Variants in PDGFD observed in about 807,000 individuals in gnomAD.
PDGFD encodes the protein platelet-derived growth factor D.
In PDGFD, 30 loss-of-function variants were observed where a neutral mutation model predicts 44.7. The observed-to-expected ratio is 0.67, with a 90% CI of 0.50 to 0.91. The LOEUF (loss-of-function observed/expected upper bound fraction) is 0.91. Ranked by LOEUF, PDGFD falls within the 40% of genes least tolerant of loss-of-function variation. The pLI, the probability that PDGFD is intolerant of heterozygous loss-of-function variation, is 0.00. For missense variants in PDGFD, 445 were observed against 457.8 expected (o/e 0.97, Z 0.25); for synonymous variants, 173 against 168.4 (o/e 1.03, Z -0.21).
At chr11:104,098,165 T>C (rs967666239) in intron 1 of PDGFD, among the ~76,000 whole-genome samples, 2 of 152,138 alleles carry the variant, frequency 1.3e-5, no homozygotes, top group Non-Finnish European at 2.9e-5. Context: ...TTGTAACAAA[T>C]ATGAAAGTAT....
chr11:103,959,246 A>G (rs1352085891), intron 3 of PDGFD, among the ~76,000 whole-genome samples: 3 of 152,204 alleles, frequency 2.0e-5, no homozygotes, highest in Non-Finnish European at 4.4e-5. Context: ...CAGAGCTGCC[A>G]CCCATCATAA....
rs182119894 is a variant in PDGFD, at chr11:103,982,029, C to T, written c.510+14036G>A. 9.4e-4 allele frequency among the ~76,000 whole-genome samples: 143 copies of T among 151,778 alleles called. 3 individuals are homozygous for T. Among genetic ancestry groups the T allele is most frequent in the African/African-American group, 3.0e-3 (124 of 41,200 alleles). ...CCTGGTTATATGCTTCATTTCTATTCCACAGTTTCCCTAACATTTGACCCT... is the reference window on the plus strand; with the variant it reads ...CCTGGTTATATGCTTCATTTCTATTTCACAGTTTCCCTAACATTTGACCCT... On this transcript the variant is annotated intron_variant, in intron 3 of 6. Transcript: ENST00000393158.
intron 1 of PDGFD, among the ~76,000 whole-genome samples, chr11:104,082,489 G>T (rs1861059568): frequency 6.6e-6 from 1 of 151,792 alleles, no homozygotes; most frequent in African/African-American, 2.4e-5. Flanking sequence ...TTTATAGTTG[G>T]CAAAAATTTT....
intron 1 of PDGFD, among the ~76,000 whole-genome samples, chr11:104,018,476 G>T (rs913658809): frequency 2.0e-5 from 3 of 152,088 alleles, no homozygotes; most frequent in Non-Finnish European, 2.9e-5. Flanking sequence ...TAACTGAGTG[G>T]GTTCATCTGC....
intron 1 of PDGFD, among the ~76,000 whole-genome samples, chr11:104,050,859 A>G (rs945671972): frequency 2.0e-5 from 3 of 152,154 alleles, no homozygotes; most frequent in Non-Finnish European, 2.9e-5. Context: ...TTGTAATCTT[A>G]ATTGTCCATA....
intron 1 of PDGFD, among the ~76,000 whole-genome samples, chr11:104,160,304 C>T (rs1862370977): frequency 6.6e-6 from 1 of 152,332 alleles, no homozygotes; most frequent in Non-Finnish European, 1.5e-5. Context: ...AACACCTGTA[C>T]TTTCTACACG....
chr11:104,013,015 C>T (rs1859806112), intron 1 of PDGFD, among the ~76,000 whole-genome samples: 1 of 152,204 alleles, frequency 6.6e-6, no homozygotes, highest in Non-Finnish European at 1.5e-5. Flanking sequence ...CTGAAACCAC[C>T]CTGGCCCACT....
intron 1 of PDGFD, among the ~76,000 whole-genome samples, chr11:104,082,991 C>A (rs1183037035): frequency 6.6e-6 from 1 of 152,112 alleles, no homozygotes; most frequent in Non-Finnish European, 1.5e-5. Flanking sequence ...AGTACGGTCA[C>A]CATCTTCCTT....
chr11:104,153,373 A>G (rs1268033411), intron 1 of PDGFD, among the ~76,000 whole-genome samples: 2 of 152,208 alleles, frequency 1.3e-5, no homozygotes, highest in African/African-American at 2.4e-5. Flanking sequence ...GAGGATGTTC[A>G]GCTGTATTAA....
At chr11:103,938,138 C>T (rs1296944949) in intron 5 of PDGFD, among the ~76,000 whole-genome samples, 2 of 151,876 alleles carry the variant, frequency 1.3e-5, no homozygotes, top group Non-Finnish European at 2.9e-5. Flanking sequence ...CACTGACTTC[C>T]ACAATGGTTG....
chr11:104,145,428 ATTTAAG>A (rs1862148409), intron 1 of PDGFD, among the ~76,000 whole-genome samples: 2 of 152,166 alleles, frequency 1.3e-5, no homozygotes, highest in Admixed American at 6.5e-5. Flanking sequence ...TTAGATTTTT[ATTTAAG>A]TTTAACACAT....
chr11:104,094,483 A>G (rs1329352331), intron 1 of PDGFD, among the ~76,000 whole-genome samples: 1 of 152,078 alleles, frequency 6.6e-6, no homozygotes, highest in Non-Finnish European at 1.5e-5. Flanking sequence ...AGCATCTCAA[A>G]CTTCACTTTT....
At chr11:103,923,688 T>C (rs574480785) in intron 6 of PDGFD, among the ~76,000 whole-genome samples, 4 of 152,222 alleles carry the variant, frequency 2.6e-5, no homozygotes, top group Non-Finnish European at 5.9e-5. Flanking sequence ...CTTTTGCTGT[T>C]TCCCACAGGG....
At chr11:104,121,161 G>A (rs1372626845) in intron 1 of PDGFD, among the ~76,000 whole-genome samples, 3 of 151,948 alleles carry the variant, frequency 2.0e-5, no homozygotes, top group African/African-American at 4.8e-5. Flanking sequence ...GAATCCAAAC[G>A]AATTAGATTT....
chr11:103,969,483 T>TA (rs978982141), intron 3 of PDGFD, among the ~76,000 whole-genome samples: 1 of 147,970 alleles, frequency 6.8e-6, no homozygotes, highest in African/African-American at 2.5e-5. Context: ...GGTTTTTTTT[T>TA]TTTTTTTTTT....
chr11:104,010,747 C>T (rs1215787922), intron 1 of PDGFD, among the ~76,000 whole-genome samples: 2 of 151,606 alleles, frequency 1.3e-5, no homozygotes, highest in Non-Finnish European at 2.9e-5. Context: ...GTTTGTGTTG[C>T]GATATTGCCA....
intron 3 of PDGFD, among the ~76,000 whole-genome samples, chr11:103,961,796 C>A (rs1858939939): frequency 6.6e-6 from 1 of 152,150 alleles, no homozygotes; most frequent in Non-Finnish European, 1.5e-5. Flanking sequence ...CCTGATCACC[C>A]TTTTCCTACA....
intron 1 of PDGFD, chr11:104,037,478 G>A (rs1860268876): frequency 1.2e-6 from 2 of 1,614,046 alleles, no homozygotes; most frequent in Non-Finnish European, 1.7e-6. Flanking sequence ...GAGGAAATCC[G>A]GCAGCAAAAC....
At chr11:104,007,554 C>T (rs1859722696) in intron 1 of PDGFD, among the ~76,000 whole-genome samples, 1 of 152,182 alleles carries the variant, frequency 6.6e-6, no homozygotes, top group Admixed American at 6.5e-5. Flanking sequence ...CCATCTCACA[C>T]AAACTCAGTG....
Sources: gnomAD v4.1 joint callset for allele counts (sites outside exome capture counted in the v4.1 genomes callset) on GRCh38, gnomAD v4.1.1 for gene constraint, MANE v1.5 for transcripts, NCBI Gene and HGNC (gene_info 2026-07-23, HGNC 2026-07-21) for gene names.